FOXN1: variants seen among roughly 807,000 people sequenced by gnomAD.
FOXN1 encodes the protein forkhead box N1, also known as forkhead box protein N1.
FOXN1 carries 15 observed loss-of-function variants against 49.0 expected under a neutral mutation model. The observed-to-expected ratio is 0.31, with a 90% confidence interval of 0.20 to 0.47. The LOEUF (loss-of-function observed/expected upper bound fraction) is 0.47, where lower values mean the gene tolerates loss of function less well. FOXN1 is among the 20% of genes least tolerant of loss of function. FOXN1 has a pLI of 1.00. For missense variants in FOXN1, 800 were observed against 842.8 expected (o/e 0.95, Z 0.63); for synonymous variants, 356 against 369.0 (o/e 0.96, Z 0.40).
chr17:28,531,835 G>A (rs571748673), intron 6 of FOXN1, among the ~76,000 whole-genome samples: 4 of 152,146 alleles, frequency 2.6e-5, no homozygotes, highest in East Asian at 1.9e-4. Context: ...ATAATTTGAC[G>A]CTTGATGTTC....
intron 1 of FOXN1, among the ~76,000 whole-genome samples, chr17:28,516,773 C>A (rs1466362917): frequency 2.7e-5 from 3 of 110,794 alleles, no homozygotes; most frequent in African/African-American, 6.5e-5. Flanking sequence ...TCCACAGGAT[C>A]CATACCTCAA....
At position 28,506,361 on chromosome 17, in the gene FOXN1, G is replaced by C. The variant is rs952772483; in HGVS notation, c.-97G>C. 1 of 152,404 alleles carries C rather than the reference G, an allele frequency of 6.6e-6. No homozygotes were observed. The highest frequency in any genetic ancestry group is 2.4e-5 in the African/African-American group (1 of 41,480). 9.4% of individuals were successfully genotyped at this position (152,404 alleles called of 1,614,324 possible). A position where few individuals can be genotyped will look rare whatever the true frequency, so the allele number is the denominator to read the frequency against. On this transcript the variant is annotated 5_prime_UTR_variant, in exon 1 of 9. Transcript: ENST00000579795. ...CCTGATGTCAGCACAGACACAGGAC[G>C]GCCGAGCTGACGGACTGACAGACGG...
intron 1 of FOXN1, among the ~76,000 whole-genome samples, chr17:28,511,949 C>G (rs547942745): frequency 1.1e-4 from 16 of 152,296 alleles, no homozygotes; most frequent in Middle Eastern, 3.4e-3. Flanking sequence ...CACAGCCCAA[C>G]AACTCCAAAG....
Position 28,537,177 on chromosome 17 carries a change from C to A in FOXN1, c.1688C>A (p.Thr563Asn). 4 of 1,614,046 alleles carry A rather than the reference C, an allele frequency of 2.5e-6. No homozygotes were observed. Among genetic ancestry groups the A allele is most frequent in the Non-Finnish European group, 3.4e-6 (4 of 1,179,938 alleles). ...GCCCTCGACCCCCTGGTACTGGTGA[C>A]CTCATCCCCGACATCATCTTCGATG... Reference protein sequence around the residue: ...SLALDPLVLVTSSPTSSSMPP... With the variant: ...SLALDPLVLVNSSPTSSSMPP... Residue 563 changes from threonine (T) to asparagine (N), a missense_variant, in exon 9 of 9, where the codon ACC (threonine) becomes AAC (asparagine). Around this residue, in one of 3 missense-constraint regions of FOXN1, gnomAD observed 344 missense variants for 366.1 expected, o/e 0.94. Coordinates refer to ENST00000579795, the MANE Select transcript of FOXN1 (RefSeq NM_001369369.1).
rs2069527057 is a variant in FOXN1 at position 28,517,140 on chromosome 17, C to T, written c.-14-6816C>T. On this transcript the variant is annotated intron_variant, in intron 1 of 8. Coordinates refer to ENST00000579795, the MANE Select transcript of FOXN1 (RefSeq NM_001369369.1). Reference sequence around the variant, plus strand: ...TACCTCAAAAGGGTACACATCTCCACAGGGTACACACCTCCACAGGATCCA... The same window carrying T: ...TACCTCAAAAGGGTACACATCTCCATAGGGTACACACCTCCACAGGATCCA... Among the ~76,000 whole-genome samples the T allele has an allele frequency of 1.5e-5, 2 of 130,786 alleles. 1 individual carries two copies. Among genetic ancestry groups the T allele is most frequent in the Middle Eastern group, 9.0e-3 (2 of 222 alleles). The allele number at this position is 130,786 out of a possible 152,430, so 85.8% of individuals were successfully genotyped here. A position where few individuals can be genotyped will look rare whatever the true frequency, so the allele number is the denominator to read the frequency against.
chr17:28,516,535 A>G (rs1011451443), intron 1 of FOXN1, among the ~76,000 whole-genome samples: 1 of 146,158 alleles, frequency 6.8e-6, no homozygotes, highest in Non-Finnish European at 1.5e-5. Flanking sequence ...TCCACAGGGT[A>G]CACACCTCCG....
At chr17:28,515,537 C>T (rs2069476668) in intron 1 of FOXN1, among the ~76,000 whole-genome samples, 1 of 151,384 alleles carries the variant, frequency 6.6e-6, no homozygotes. Context: ...AGAGGTACAC[C>T]CCTCCATGTG....
At position 28,524,092 on chromosome 17, in the gene FOXN1, T is replaced by C. The variant is rs759817130; in HGVS notation, c.123T>C (p.Ser41=). 2.2e-5 allele frequency: 35 copies of C among 1,595,206 alleles called. No homozygotes were observed. Among genetic ancestry groups the C allele is most frequent in the Non-Finnish European group, 2.7e-5 (32 of 1,171,900 alleles). ...PGLPGSPAPQ[S]KHAGFSCSSF... is the part of the protein sequence containing the mutation. ...TCCCAGGCTCCCCTGCCCCACAGAG[T>C]GTAAGTACCCGGCATCTGGGCCTGG... Residue 41 remains serine, a splice_region_variant and synonymous_variant, in exon 2 of 9, where the codon AGT becomes AGC. Transcript: ENST00000579795.
chr17:28,523,357 C>G (rs555627377), intron 1 of FOXN1, among the ~76,000 whole-genome samples: 3 of 152,306 alleles, frequency 2.0e-5, no homozygotes, highest in African/African-American at 7.2e-5. Flanking sequence ...GCCTTTGGGT[C>G]CCCAGTTACA....
At chr17:28,529,910 T>A (rs1009876239) in intron 5 of FOXN1, among the ~76,000 whole-genome samples, 1 of 151,836 alleles carries the variant, frequency 6.6e-6, no homozygotes, top group East Asian at 1.9e-4. Flanking sequence ...TACACGCAGC[T>A]CTTGGAGTCC....
chr17:28,517,648 AC>A (rs2069550191), intron 1 of FOXN1, among the ~76,000 whole-genome samples: 1 of 69,692 alleles, frequency 1.4e-5, no homozygotes, highest in African/African-American at 7.2e-5. Context: ...CAGGGTACAG[AC>A]CTCCACAGGG....
At chr17:28,512,512 G>T (rs905338523) in intron 1 of FOXN1, among the ~76,000 whole-genome samples, 1 of 152,218 alleles carries the variant, frequency 6.6e-6, no homozygotes. Context: ...GAGCACCGTG[G>T]CATGCACTTT....
At chr17:28,531,899 G>A (rs569566061) in intron 6 of FOXN1, among the ~76,000 whole-genome samples, 29 of 152,236 alleles carry the variant, frequency 1.9e-4, no homozygotes, top group South Asian at 4.1e-4. Flanking sequence ...CAAGTTGGCC[G>A]GAGTGGTCTG....
Position 28,527,352 on chromosome 17 carries a change from C to G in FOXN1, c.690C>G (p.Pro230=). ...ATATGTACTGCTCCTCCCAGCCCCC[C>G]TTCCACCAGGTGGGTCTGGGGCAAG... The part of the protein sequence containing the change: ...LQHMYCSSQP[P]FHQYSPGGGS... The change falls in exon 4 of 9, where the codon CCC becomes CCG. Residue 230 remains proline, a synonymous_variant. Transcript: ENST00000579795. The G allele has an allele frequency of 6.2e-7, 1 of 1,609,316 alleles. No homozygotes were observed. Among genetic ancestry groups the G allele is most frequent in the Non-Finnish European group, 8.5e-7 (1 of 1,176,152 alleles).
chr17:28,531,451 G>T lies in FOXN1; in HGVS notation c.927+606G>T, dbSNP rs529931412. Among the ~76,000 whole-genome samples the T allele has an allele frequency of 2.0e-5, 3 of 152,238 alleles. No homozygotes were observed. The South Asian group carries it at 6.2e-4, about 32-fold the overall frequency. ...TATCATTCACAGAAGGCGCTTCTGG[G>T]AGCCTTACCCAGCTCCCTCTCTAGA... On this transcript the variant is annotated intron_variant, in intron 6 of 8. Coordinates refer to ENST00000579795, the MANE Select transcript of FOXN1 (RefSeq NM_001369369.1).
chr17:28,537,011 C>T, intron 8 of FOXN1, 106 bp from the exon 9 acceptor site: 1 of 900,118 alleles, frequency 1.1e-6, no homozygotes, highest in East Asian at 2.4e-5. Flanking sequence ...CACATGTCAC[C>T]CTGACCCCTG....
chr17:28,514,223 A>T (rs1002045060), intron 1 of FOXN1, among the ~76,000 whole-genome samples: 4 of 151,686 alleles, frequency 2.6e-5, no homozygotes, highest in East Asian at 3.9e-4. Flanking sequence ...GACTGGAATG[A>T]CTCAGCTGCA....
Position 28,527,239 on chromosome 17 carries a change from C to T in FOXN1, c.589-12C>T. On this transcript the variant is annotated splice_polypyrimidine_tract_variant and intron_variant, in intron 3 of 8. Transcript: ENST00000579795. ...AAGGCCTAATCTAGTCATCTGCTTT[C>T]TCTTCCAGCAGGGTTCAGAGGTCAA... The T allele has an allele frequency of 6.3e-7, 1 of 1,585,392 alleles. No homozygotes were observed. The highest frequency in any genetic ancestry group is 8.7e-7 in the Non-Finnish European group (1 of 1,153,938).
chr17:28,521,014 C>CT (rs2151483536), intron 1 of FOXN1, among the ~76,000 whole-genome samples: 1 of 152,348 alleles, frequency 6.6e-6, no homozygotes, highest in South Asian at 2.1e-4. Flanking sequence ...AAGGCCCCTG[C>CT]AGCCACACTT....
Sources: allele counts gnomAD v4.1 joint callset (sites outside exome capture counted in the v4.1 genomes callset), GRCh38; gene constraint gnomAD v4.1.1; regional missense constraint gnomAD v4.1.1; transcripts MANE v1.5; gene names NCBI Gene and HGNC (gene_info 2026-07-23, HGNC 2026-07-21).